POLR2B: variants seen among roughly 807,000 people sequenced by gnomAD.
The protein encoded by POLR2B is RNA polymerase II subunit B.
A neutral mutation model predicts 144.6 loss-of-function variants in POLR2B; 57 were observed. The observed-to-expected ratio is 0.39, with a 90% CI of 0.32 to 0.49. The LOEUF (loss-of-function observed/expected upper bound fraction) is 0.49, where lower values mean the gene tolerates loss of function less well. POLR2B is among the 20% of genes least tolerant of loss of function. The pLI, the probability that POLR2B is intolerant of heterozygous loss-of-function variation, is 0.83. For missense variants in POLR2B, 595 were observed against 1,467.4 expected (o/e 0.41, Z 9.71); for synonymous variants, 442 against 469.8 (o/e 0.94, Z 0.77).
At chr4:57,016,959 A>G (rs1723388442) in intron 14 of POLR2B, 84 bp from the exon 15 acceptor site, 2 of 444,664 alleles carry the variant, frequency 4.5e-6, no homozygotes, top group Admixed American at 4.2e-5. Context: ...TTATTTAAAT[A>G]TAAATATAGG....
chr4:57,016,194 GT>G (rs1359384862), intron 14 of POLR2B, among the ~76,000 whole-genome samples: 1 of 152,094 alleles, frequency 6.6e-6, no homozygotes, highest in Non-Finnish European at 1.5e-5. Context: ...AGTCACATTT[GT>G]TTTTCTTAAC....
At chr4:56,991,759 T>G (rs1722513899) in intron 3 of POLR2B, among the ~76,000 whole-genome samples, 1 of 152,182 alleles carries the variant, frequency 6.6e-6, no homozygotes, top group Admixed American at 6.6e-5. Context: ...AGTTTCTTTT[T>G]TATTCTTGGG....
At chr4:56,995,521 A>G (rs1302388439) in intron 6 of POLR2B, 112 bp downstream of exon 6, 8 of 684,676 alleles carry the variant, frequency 1.2e-5, no homozygotes, top group Non-Finnish European at 1.7e-5. Context: ...TTGTTGTTAT[A>G]TATCGTATTG....
intron 7 of POLR2B, among the ~76,000 whole-genome samples, chr4:57,003,712 G>A (rs1238817667): frequency 1.3e-5 from 2 of 151,872 alleles, no homozygotes; most frequent in Non-Finnish European, 2.9e-5. Context: ...GTGTGGTAGT[G>A]CATGCCTGTA....
intron 1 of POLR2B, among the ~76,000 whole-genome samples, chr4:56,979,372 C>T (rs1221690171): frequency 7.4e-6 from 1 of 135,166 alleles, no homozygotes; most frequent in Non-Finnish European, 1.5e-5. Context: ...ACGAATAGCT[C>T]AATTGTTGAG....
chr4:57,020,768 T>G (rs1319904391), intron 16 of POLR2B, 131 bp from the exon 17 acceptor site: 1 of 705,536 alleles, frequency 1.4e-6, no homozygotes, highest in Non-Finnish European at 2.6e-6. Flanking sequence ...GAATAGACTT[T>G]GGCAGTTACC....
intron 10 of POLR2B, among the ~76,000 whole-genome samples, chr4:57,008,441 A>G (rs1232979036): frequency 6.6e-6 from 1 of 152,126 alleles, no homozygotes; most frequent in African/African-American, 2.4e-5. Context: ...TGACATCGTG[A>G]TCTGCCCGCC....
chr4:56,996,278 ATT>A (rs869299001), intron 6 of POLR2B, among the ~76,000 whole-genome samples: 611 of 59,666 alleles, frequency 0.01, 2 homozygotes, highest in Middle Eastern at 0.015. Flanking sequence ...ATATATATAT[ATT>A]TTTTTTTTTT....
At chr4:57,019,817 T>A (rs1480616638) in intron 16 of POLR2B, among the ~76,000 whole-genome samples, 1 of 151,072 alleles carries the variant, frequency 6.6e-6, no homozygotes, top group Non-Finnish European at 1.5e-5. Flanking sequence ...AACCTAACGA[T>A]GTCTTTAATG....
At chr4:56,979,218 T>C (rs1480860355) in intron 1 of POLR2B, among the ~76,000 whole-genome samples, 4 of 152,208 alleles carry the variant, frequency 2.6e-5, no homozygotes, top group Non-Finnish European at 5.9e-5. Flanking sequence ...CGTTCACTGC[T>C]GCTCTCTGCA....
At chr4:57,029,598 A>G (rs28623722) in intron 23 of POLR2B, among the ~76,000 whole-genome samples, 11,434 of 152,204 alleles carry the variant, frequency 0.075, 493 homozygotes, top group African/African-American at 0.089. Flanking sequence ...TTCACTTCTT[A>G]TGTTGGGGAA....
At chr4:56,980,949 C>T (rs149536389) in intron 1 of POLR2B, among the ~76,000 whole-genome samples, 5 of 151,910 alleles carry the variant, frequency 3.3e-5, no homozygotes, top group Non-Finnish European at 4.4e-5. Flanking sequence ...AGATTACAGG[C>T]GTACACCACC....
chr4:57,002,291 A>G (rs1188250081), intron 7 of POLR2B, among the ~76,000 whole-genome samples: 3 of 152,160 alleles, frequency 2.0e-5, no homozygotes, highest in African/African-American at 7.2e-5. Flanking sequence ...GGGCTCCTGA[A>G]GTGCTGGGAT....
At chr4:57,006,736 T>TG in intron 9 of POLR2B, 80 bp from the exon 10 acceptor site, 4 of 1,218,760 alleles carry the variant, frequency 3.3e-6, no homozygotes, top group Non-Finnish European at 3.5e-6. Context: ...TCCCCACGCT[T>TG]TTTTTTGCAA....
At chr4:57,011,254 G>A (rs535151060) in intron 13 of POLR2B, among the ~76,000 whole-genome samples, 154 bp downstream of exon 13, 1 of 152,364 alleles carries the variant, frequency 6.6e-6, no homozygotes, top group East Asian at 1.9e-4. Flanking sequence ...GCTAGGCCGG[G>A]TGCAGTGGCT....
intron 22 of POLR2B, 95 bp downstream of exon 22, chr4:57,025,094 A>G (rs1723672571): frequency 7.4e-6 from 5 of 677,124 alleles, no homozygotes; most frequent in South Asian, 1.8e-5. Context: ...TTGAAGTATC[A>G]TATGTGCACA....
intron 23 of POLR2B, among the ~76,000 whole-genome samples, chr4:57,026,913 C>T (rs1723739682): frequency 1.3e-5 from 2 of 152,218 alleles, no homozygotes; most frequent in South Asian, 2.1e-4. Context: ...CTTACATCTA[C>T]TTCTGCATTC....
At position 57,010,524 on chromosome 4, in the gene POLR2B, A is replaced by C. The variant is rs1484348220; in HGVS notation, c.1548+20A>C. Reference sequence around the variant, plus strand: ...CCAGAGGTAATACATTAGAATTTACATTCAGGACAAAAAGTCAGTGGGTAA... The same window carrying C: ...CCAGAGGTAATACATTAGAATTTACCTTCAGGACAAAAAGTCAGTGGGTAA... On this transcript the variant is annotated intron_variant, in intron 11 of 24. Transcript: ENST00000314595. 6.3e-7 allele frequency: 1 copy of C among 1,599,888 alleles called. No homozygotes were observed. The highest frequency in any genetic ancestry group is 1.3e-5 in the African/African-American group (1 of 74,286).
In POLR2B at chr4:56,981,849, T is replaced by C. The variant is rs147371435; in HGVS notation, c.19+2845T>C. 5.4e-4 allele frequency among the ~76,000 whole-genome samples: 83 copies of C among 152,380 alleles called. 1 individual carries two copies. The South Asian group carries it at 0.014, about 26-fold the overall frequency. On this transcript the variant is annotated intron_variant, in intron 1 of 24. Coordinates refer to ENST00000314595, the MANE Select transcript of POLR2B (RefSeq NM_000938.3). ...TACAATATGTTTCTACTCATGCTAC[T>C]ACATTAAGATAGCTCTAAGATTGAC... is the stretch of plus-strand genomic sequence containing the variant.
Sources: allele counts gnomAD v4.1 joint callset (sites outside exome capture counted in the v4.1 genomes callset), GRCh38; gene constraint gnomAD v4.1.1; transcripts MANE v1.5; gene names NCBI Gene and HGNC (gene_info 2026-07-23, HGNC 2026-07-21).